PIGX: variants seen among roughly 807,000 people sequenced by gnomAD.
PIGX encodes GPI alpha-1,4-mannosyltransferase I, stabilizing subunit.
A neutral mutation model predicts 28.7 loss-of-function variants in PIGX; 24 were observed. The observed-to-expected ratio is 0.84, with a 90% CI of 0.60 to 1.17. The LOEUF (loss-of-function observed/expected upper bound fraction) is 1.17. Ranked by LOEUF, PIGX falls within the 50% of genes most tolerant of loss-of-function variation. PIGX has a pLI of 0.00. For missense variants in PIGX, 305 were observed against 317.8 expected (o/e 0.96, Z 0.31); for synonymous variants, 127 against 121.0 (o/e 1.05, Z -0.33).
At chr3:196,727,042 C>T (rs1438109518) in intron 3 of PIGX, among the ~76,000 whole-genome samples, 1 of 152,138 alleles carries the variant, frequency 6.6e-6, no homozygotes, top group African/African-American at 2.4e-5. Context: ...GTAAAGAAAA[C>T]ATAGCACTTG....
intron 4 of PIGX, among the ~76,000 whole-genome samples, chr3:196,730,067 CAAA>C (rs779405650): frequency 4.9e-5 from 5 of 102,424 alleles, no homozygotes; most frequent in Admixed American, 2.0e-4. Context: ...AAGACTGTCT[CAAA>C]AAAAAAAAAA....
rs1255876061 is a variant in PIGX, at chr3:196,712,566, G to A, written c.34G>A (p.Ala12Thr). 8.4e-7 allele frequency: 1 copy of A among 1,186,248 alleles called. No homozygotes were observed. Among genetic ancestry groups the A allele is most frequent in the African/African-American group, 1.6e-5 (1 of 62,660 alleles). The allele number at this position is 1,186,248 out of a possible 1,614,324, so 73.5% of individuals were successfully genotyped here. A position where few individuals can be genotyped will look rare whatever the true frequency, so the allele number is the denominator to read the frequency against. Residue 12 changes from alanine to threonine, a missense_variant, in exon 1 of 6, where the codon GCC becomes ACC. Physicochemically the swap from Ala to Thr is moderately conservative, Grantham distance 58. Coordinates refer to ENST00000392391, the MANE Select transcript of PIGX (RefSeq NM_017861.4). ...TCGGGTGGCGGCGGTTCGGGCGGCCGCCTGGCTGCTCCTCGGGGCGGCGAC... is the reference window on the plus strand; with the variant it reads ...TCGGGTGGCGGCGGTTCGGGCGGCCACCTGGCTGCTCCTCGGGGCGGCGAC...
chr3:196,729,412 A>T (rs988320115), intron 4 of PIGX, among the ~76,000 whole-genome samples: 7 of 140,862 alleles, frequency 5.0e-5, no homozygotes, highest in African/African-American at 1.6e-4. Flanking sequence ...TTTCTTTCTT[A>T]TTTTTTTTTT....
At chr3:196,719,777 CAT>C (rs1286904348) in intron 2 of PIGX, among the ~76,000 whole-genome samples, 1 of 152,008 alleles carries the variant, frequency 6.6e-6, no homozygotes, top group African/African-American at 2.4e-5. Context: ...ATACCCATAA[CAT>C]AAAATTTACA....
In PIGX at chr3:196,712,443, G is replaced by A. The variant is rs898753319; in HGVS notation, c.-90G>A. On this transcript the variant is annotated 5_prime_UTR_variant, in exon 1 of 6. Transcript: ENST00000392391. The stretch of plus-strand genomic sequence containing the variant: ...GGTCCCAGCCGATAAATCTGGGGCA[G>A]CGCGCGGTAGGAGCTGCGGGCGGCC... The A allele has an allele frequency of 2.5e-4, 136 of 537,592 alleles. No homozygotes were observed. Among genetic ancestry groups the A allele is most frequent in the Middle Eastern group, 6.6e-4 (1 of 1,526 alleles). 33.3% of individuals were successfully genotyped at this position (537,592 alleles called of 1,614,324 possible).
chr3:196,712,462 G>A lies in PIGX; in HGVS notation c.-71G>A. The A allele has an allele frequency of 1.5e-6, 1 of 682,774 alleles. No individual in the cohort carries two copies. The highest frequency in any genetic ancestry group is 2.0e-6 in the Non-Finnish European group (1 of 512,532). The allele number at this position is 682,774 out of a possible 1,614,324, so 42.3% of individuals were successfully genotyped here. A position where few individuals can be genotyped will look rare whatever the true frequency, so the allele number is the denominator to read the frequency against. ...GGGGCAGCGCGCGGTAGGAGCTGCG[G>A]GCGGCCAGGCCCCTTCCTGCGTCCG... is the stretch of plus-strand genomic sequence containing the variant. On this transcript the variant is annotated 5_prime_UTR_variant, in exon 1 of 6. Coordinates refer to ENST00000392391, the MANE Select transcript of PIGX (RefSeq NM_017861.4).
intron 1 of PIGX, among the ~76,000 whole-genome samples, chr3:196,714,883 C>T (rs111250637): frequency 0.014 from 2,105 of 152,198 alleles, 37 homozygotes; most frequent in African/African-American, 0.048. Flanking sequence ...CGAGACCAGC[C>T]TGGCCAACGT....
rs143181793 is a variant in PIGX, at chr3:196,714,848, T to C, written c.113-2010T>C. On this transcript the variant is annotated intron_variant, in intron 1 of 5. Transcript: ENST00000392391. ...ATCCCAGCATTTTGGAAGGCCAGGG[T>C]GGGCAGATCACCAGGTCAGGAGATC... 7.9e-5 allele frequency among the ~76,000 whole-genome samples: 12 copies of C among 152,206 alleles called. 1 individual carries two copies. In the East Asian group the frequency reaches 2.3e-3, roughly 30 times the overall value.
At chr3:196,722,704 G>C in intron 3 of PIGX, 148 bp downstream of exon 3, 3 of 735,902 alleles carry the variant, frequency 4.1e-6, no homozygotes, top group Non-Finnish European at 6.9e-6. Context: ...TCTTTGACAA[G>C]TGAGTGACTC....
At chr3:196,721,250 TG>T in intron 2 of PIGX, 2 of 343,050 alleles carry the variant, frequency 5.8e-6, no homozygotes, top group South Asian at 2.3e-5. Context: ...TTTTTCTCCC[TG>T]GTCTTTTTTC....
chr3:196,732,237 TATATATATATATATATATATTTTA>T (rs1560080547), intron 5 of PIGX, among the ~76,000 whole-genome samples: 36 of 63,166 alleles, frequency 5.7e-4, no homozygotes, highest in East Asian at 3.3e-3. Context: ...TATATATATA[TATATATATATATATATATATTTTA>T]TTTTATTTTA....
chr3:196,733,734 C>CT lies in PIGX; in HGVS notation c.634-24dup. On this transcript the variant is annotated intron_variant, in intron 5 of 5. Coordinates refer to ENST00000392391, the MANE Select transcript of PIGX (RefSeq NM_017861.4). This position sits in a 1 kb window ranked among gnomAD's most constrained non-coding sequence, Gnocchi z 4.3. ...GGCCCATGACATGCATTTTCAATGT[C>CT]TAACTTCTCTCTCTCTCTCCATAGG... The CT allele has an allele frequency of 1.9e-6, 3 of 1,572,850 alleles. No individual in the cohort carries two copies. The highest frequency in any genetic ancestry group is 2.6e-6 in the Non-Finnish European group (3 of 1,144,208).
intron 4 of PIGX, among the ~76,000 whole-genome samples, chr3:196,730,535 G>A (rs1311578630): frequency 1.3e-5 from 2 of 151,942 alleles, no homozygotes; most frequent in Non-Finnish European, 2.9e-5. Flanking sequence ...GGATCACGAG[G>A]TCAGGAGTTC....
rs2108694318 is a variant in PIGX at position 196,735,300 on chromosome 3, A to AAAAAAG, written c.*1403_*1404insGAAAAA. The AAAAAAG allele has an allele frequency of 1.1e-5, 1 of 88,340 alleles. No individual in the cohort carries two copies. The highest frequency in any genetic ancestry group is 2.1e-4 in the East Asian group (1 of 4,754). 5.5% of individuals were successfully genotyped at this position (88,340 alleles called of 1,614,324 possible). ...ACAGAGTGAGACTCTGTCTCAAAAA[A>AAAAAAG]AAAAAAAAAAAAAAAAAAAAAAAAG... On this transcript the variant is annotated 3_prime_UTR_variant, in exon 6 of 6. Coordinates refer to ENST00000392391, the MANE Select transcript of PIGX (RefSeq NM_017861.4).
chr3:196,720,124 T>G (rs1712259791), intron 2 of PIGX, among the ~76,000 whole-genome samples: 1 of 152,210 alleles, frequency 6.6e-6, no homozygotes, highest in African/African-American at 2.4e-5. Flanking sequence ...ATCAAGTACA[T>G]TCACGTTATT....
intron 1 of PIGX, among the ~76,000 whole-genome samples, chr3:196,715,542 C>G (rs1712063280): frequency 6.6e-6 from 1 of 152,102 alleles, no homozygotes; most frequent in Non-Finnish European, 1.5e-5. Context: ...TTTTTCTATT[C>G]TTTTTTCATT....
intron 1 of PIGX, among the ~76,000 whole-genome samples, chr3:196,715,844 G>A (rs186035231): frequency 3.3e-5 from 5 of 152,168 alleles, no homozygotes; most frequent in African/African-American, 1.2e-4. Context: ...TTTCTTAATG[G>A]AGATGGAGTC....
chr3:196,719,875 C>A (rs1397432383), intron 2 of PIGX, among the ~76,000 whole-genome samples: 2 of 151,968 alleles, frequency 1.3e-5, no homozygotes, highest in Non-Finnish European at 2.9e-5. Flanking sequence ...CTGCAACTTC[C>A]GATTCCCTGG....
chr3:196,726,840 T>A (rs1712542738), intron 3 of PIGX: 1 of 263,832 alleles, frequency 3.8e-6, no homozygotes, highest in African/African-American at 2.3e-5. Flanking sequence ...CGAGATGACT[T>A]ATAGTAATGA....
Sources: gnomAD v4.1 joint callset for allele counts (sites outside exome capture counted in the v4.1 genomes callset) on GRCh38, gnomAD v4.1.1 for gene constraint, Gnocchi (gnomAD v3.1) non-coding constraint, MANE v1.5 for transcripts, NCBI Gene and HGNC (gene_info 2026-07-23, HGNC 2026-07-21) for gene names.